PLXNC1: variants seen among roughly 807,000 people sequenced by gnomAD.
The protein encoded by PLXNC1 is plexin-C1.
A neutral mutation model predicts 178.2 loss-of-function variants in PLXNC1; 75 were observed. That is an observed-to-expected ratio of 0.42 (90% CI 0.35 to 0.51). The LOEUF is 0.51. PLXNC1 is among the 20% of genes least tolerant of loss of function. The pLI is 0.02. For synonymous variants in PLXNC1, 790 were observed against 779.9 expected, an observed-to-expected ratio of 1.01 and a Z score of -0.22; for missense variants, 1,503 against 1,984.4, an observed-to-expected ratio of 0.76 and a Z score of 4.61.
intron 23 of PLXNC1, among the ~76,000 whole-genome samples, chr12:94,285,774 C>T (rs1014628842): frequency 6.6e-6 from 1 of 152,168 alleles, no homozygotes; most frequent in Non-Finnish European, 1.5e-5. Context: ...CAGCACCTCT[C>T]CCTGTGTCTG....
At chr12:94,192,178 C>T (rs956659491) in intron 4 of PLXNC1, among the ~76,000 whole-genome samples, 5 of 152,148 alleles carry the variant, frequency 3.3e-5, no homozygotes, top group Non-Finnish European at 7.3e-5. Flanking sequence ...ATTTATTGAA[C>T]ACCTAGTGAG....
In PLXNC1 at chr12:94,150,018, G is replaced by C. The variant is rs1028220972; in HGVS notation, c.1047G>C (p.Thr349=). ...AGAGGGTCAGCTGGGACTTCAAGAC[G>C]GCCGAGAGCCACTGCGTAAGTCCTG... is the stretch of plus-strand genomic sequence containing the variant. ...RAKRVSWDFK[T]AESHCKEGDQ... Residue 349 remains threonine (T), a synonymous_variant, in exon 1 of 31, where the codon ACG becomes ACC. Transcript: ENST00000258526. The C allele has an allele frequency of 2.5e-6, 4 of 1,594,848 alleles. No individual in the cohort carries two copies. Among genetic ancestry groups the C allele is most frequent in the South Asian group, 1.1e-5 (1 of 88,422 alleles).
intron 2 of PLXNC1, among the ~76,000 whole-genome samples, chr12:94,174,560 A>G (rs1005454509): frequency 1.3e-5 from 2 of 152,220 alleles, no homozygotes; most frequent in Admixed American, 1.3e-4. Context: ...ACAGAAGCAA[A>G]AACTCTGTAC....
In PLXNC1 at chr12:94,251,478, C is replaced by T. The variant is rs773630176; in HGVS notation, c.2831C>T (p.Thr944Ile). 2.9e-5 allele frequency: 47 copies of T among 1,613,466 alleles called. No homozygotes were observed. The highest frequency in any genetic ancestry group is 3.7e-5 in the Non-Finnish European group (44 of 1,179,482). Residue 944 changes from threonine (T) to isoleucine (I), a missense_variant, in exon 15 of 31, where the codon ACA (threonine) becomes ATA (isoleucine). Coordinates refer to ENST00000258526, the MANE Select transcript of PLXNC1 (RefSeq NM_005761.3). The part of the protein sequence containing the change: ...LYVEQESVPS[T>I]WYFLIVLPVL... ...GTCGAGCAGGAGTCAGTTCCTTCCA[C>T]ATGGTATTTTCTGATTGTGCTCCCT... is the stretch of plus-strand genomic sequence containing the variant.
intron 15 of PLXNC1, chr12:94,254,493 T>C (rs1249272113): frequency 1.8e-6 from 1 of 543,268 alleles, no homozygotes; most frequent in Admixed American, 2.2e-5. Context: ...ACTGGGATCT[T>C]TGGTTACAAG....
At chr12:94,253,737 G>A (rs952793882) in intron 15 of PLXNC1, among the ~76,000 whole-genome samples, 9 of 151,396 alleles carry the variant, frequency 5.9e-5, no homozygotes, top group African/African-American at 1.9e-4. Flanking sequence ...GCAGTGGCAC[G>A]ATCACGGCTC....
chr12:94,153,278 G>A (rs1004350641), intron 1 of PLXNC1, among the ~76,000 whole-genome samples: 3 of 152,148 alleles, frequency 2.0e-5, no homozygotes, highest in Non-Finnish European at 2.9e-5. Context: ...TCCCTTGAAG[G>A]TCCCCTAATT....
chr12:94,202,928 G>T (rs1963185714), intron 4 of PLXNC1, among the ~76,000 whole-genome samples: 1 of 152,166 alleles, frequency 6.6e-6, no homozygotes, highest in African/African-American at 2.4e-5. Flanking sequence ...TCTGGTATGG[G>T]AGAAAGGGTG....
At chr12:94,177,505 A>G (rs1962140713) in intron 2 of PLXNC1, among the ~76,000 whole-genome samples, 1 of 141,594 alleles carries the variant, frequency 7.1e-6, no homozygotes, top group Non-Finnish European at 1.5e-5. Context: ...AAGAAAAACA[A>G]AGAAAGAAAG....
chr12:94,149,629 C>G lies in PLXNC1; in HGVS notation c.658C>G (p.Leu220Val). The change falls in exon 1 of 31, where the codon CTG becomes GTG. Residue 220 changes from leucine (L) to valine (V), a missense_variant. Coordinates refer to ENST00000258526, the MANE Select transcript of PLXNC1 (RefSeq NM_005761.3). ...TEGRSLATQE[L>V]GRLKLCEGAG... ...GGGGCGCAGCCTGGCCACGCAGGAGCTGGGGCGCCTCAAGCTGTGCGAGGG... is the reference window on the plus strand; with the variant it reads ...GGGGCGCAGCCTGGCCACGCAGGAGGTGGGGCGCCTCAAGCTGTGCGAGGG... 1 of 1,594,224 alleles carries G rather than the reference C, an allele frequency of 6.3e-7. No homozygotes were observed. Among genetic ancestry groups the G allele is most frequent in the South Asian group, 1.1e-5 (1 of 88,638 alleles).
At chr12:94,151,911 A>T (rs1287402112) in intron 1 of PLXNC1, among the ~76,000 whole-genome samples, 1 of 152,182 alleles carries the variant, frequency 6.6e-6, no homozygotes, top group Non-Finnish European at 1.5e-5. Flanking sequence ...GTGGCAGAGG[A>T]AGTCGCGGAG....
At chr12:94,300,775 C>A in intron 27 of PLXNC1, 135 bp from the exon 28 acceptor site, 1 of 601,516 alleles carries the variant, frequency 1.7e-6, no homozygotes, top group South Asian at 3.6e-5. Flanking sequence ...CTGTCTGTTG[C>A]TTGGTATGTT....
Position 94,306,674 on chromosome 12 carries a change from T to C in PLXNC1, c.*1389T>C, listed in dbSNP as rs1969053284. The stretch of plus-strand genomic sequence containing the variant: ...TCAAATAACATTGATCACATATTCC[T>C]TGAAATCATTTACCAACACTGTATG... On this transcript the variant is annotated 3_prime_UTR_variant, in exon 31 of 31. Transcript: ENST00000258526. 1 of 152,158 alleles carries C rather than the reference T, an allele frequency of 6.6e-6. No individual in the cohort carries two copies. Among genetic ancestry groups the C allele is most frequent in the Admixed American group, 6.6e-5 (1 of 15,212 alleles). The allele number at this position is 152,158 out of a possible 1,614,324, so 9.4% of individuals were successfully genotyped here.
intron 21 of PLXNC1, among the ~76,000 whole-genome samples, chr12:94,267,454 A>T (rs757223172): frequency 1.3e-5 from 2 of 151,940 alleles, no homozygotes; most frequent in Non-Finnish European, 2.9e-5. Context: ...ATTCATGTCG[A>T]CTCTTGAAAT....
intron 21 of PLXNC1, among the ~76,000 whole-genome samples, chr12:94,266,746 C>T (rs1447763972): frequency 6.6e-6 from 1 of 152,220 alleles, no homozygotes; most frequent in African/African-American, 2.4e-5. Flanking sequence ...GGTTCCTACC[C>T]ATCTCATGAG....
chr12:94,212,015 C>CT (rs762955615), intron 5 of PLXNC1, among the ~76,000 whole-genome samples: 1 of 152,142 alleles, frequency 6.6e-6, no homozygotes, highest in Non-Finnish European at 1.5e-5. Context: ...TGGCTCACGC[C>CT]TGTAATCCCA....
intron 1 of PLXNC1, among the ~76,000 whole-genome samples, chr12:94,166,358 C>T (rs950764925): frequency 4.6e-5 from 7 of 152,064 alleles, no homozygotes; most frequent in African/African-American, 1.7e-4. Flanking sequence ...AAAACTGAGT[C>T]ACAGAGAGAT....
At chr12:94,236,666 GT>G (rs1446291373) in intron 9 of PLXNC1, among the ~76,000 whole-genome samples, 2 of 152,192 alleles carry the variant, frequency 1.3e-5, no homozygotes, top group Admixed American at 1.3e-4. Flanking sequence ...AAAAAAGAGT[GT>G]GAGTATGATG....
chr12:94,201,832 G>T (rs1963135153), intron 4 of PLXNC1, among the ~76,000 whole-genome samples: 1 of 123,838 alleles, frequency 8.1e-6, no homozygotes, highest in South Asian at 2.8e-4. Flanking sequence ...GCAGTGGCAT[G>T]ATCTCGACTC....
Sources: gnomAD v4.1 joint callset for allele counts (sites outside exome capture counted in the v4.1 genomes callset) on GRCh38, gnomAD v4.1.1 for gene constraint, MANE v1.5 for transcripts, NCBI Gene and HGNC (gene_info 2026-07-23, HGNC 2026-07-21) for gene names.